The following ANKS1A variants were observed in gnomAD, a reference collection of about 807,000 sequenced individuals.
ANKS1A encodes ankyrin repeat and sterile alpha motif domain containing 1A.
ANKS1A carries 55 observed loss-of-function variants against 120.3 expected under a neutral mutation model. The ratio of observed to expected loss-of-function variants is 0.46; its 90% CI spans 0.37 to 0.57. The LOEUF (loss-of-function observed/expected upper bound fraction) is 0.57. Ranked by LOEUF, ANKS1A falls within the 20% of genes least tolerant of loss-of-function variation. ANKS1A has a pLI of 0.00. For missense variants in ANKS1A, 1,123 were observed against 1,480.3 expected (o/e 0.76, Z 3.96); for synonymous variants, 590 against 604.7 (o/e 0.98, Z 0.36).
intron 1 of ANKS1A, among the ~76,000 whole-genome samples, chr6:34,934,432 G>A (rs563538289): frequency 1.3e-5 from 2 of 152,344 alleles, no homozygotes; most frequent in South Asian, 2.1e-4. Context: ...ACAGGCGTGA[G>A]CCACCACGCC....
chr6:35,077,973 G>T (rs1325187582), intron 13 of ANKS1A, among the ~76,000 whole-genome samples: 1 of 152,170 alleles, frequency 6.6e-6, no homozygotes, highest in Non-Finnish European at 1.5e-5. Context: ...TCCACCCTCA[G>T]CTGCTCCGTT....
At chr6:34,936,213 T>C (rs1198815598) in intron 1 of ANKS1A, among the ~76,000 whole-genome samples, 1 of 152,112 alleles carries the variant, frequency 6.6e-6, no homozygotes, top group Non-Finnish European at 1.5e-5. Flanking sequence ...GAGTACACAT[T>C]ATGCCAACCA....
rs532539274 is a variant in ANKS1A at position 35,065,990 on chromosome 6, T to C, written c.2184+5737T>C. Among the ~76,000 whole-genome samples the C allele has an allele frequency of 3.9e-5, 6 of 152,228 alleles. No homozygotes were observed. The South Asian group carries it at 1.2e-3, about 32-fold the overall frequency. On this transcript the variant is annotated intron_variant, in intron 13 of 23. Coordinates refer to ENST00000360359, the MANE Select transcript of ANKS1A (RefSeq NM_015245.3). ...CTGGATGGGGGAAGCTCAGGAGAAC[T>C]CAAGAGTCTACTTAGTGGCAAAGGG...
intron 10 of ANKS1A, among the ~76,000 whole-genome samples, chr6:35,002,983 A>G (rs1425639200): frequency 1.4e-5 from 2 of 147,556 alleles, no homozygotes; most frequent in Non-Finnish European, 3.0e-5. Context: ...CCACTAGGCT[A>G]TACTAGATAT....
intron 1 of ANKS1A, among the ~76,000 whole-genome samples, chr6:34,912,444 C>T (rs1767950540): frequency 6.6e-6 from 1 of 152,200 alleles, no homozygotes; most frequent in Non-Finnish European, 1.5e-5. Context: ...TATCCAACCT[C>T]AACCTCAGTA....
intron 10 of ANKS1A, among the ~76,000 whole-genome samples, chr6:35,015,543 G>C (rs943675541): frequency 1.3e-5 from 2 of 152,062 alleles, no homozygotes; most frequent in African/African-American, 4.8e-5. Context: ...GCCAAAGTTG[G>C]TGCTTCTGTG....
chr6:34,904,411 C>A (rs1767530916), intron 1 of ANKS1A, among the ~76,000 whole-genome samples: 1 of 151,914 alleles, frequency 6.6e-6, no homozygotes, highest in Non-Finnish European at 1.5e-5. Flanking sequence ...AACCTAATAA[C>A]CACCAGGATT....
In ANKS1A at chr6:34,967,237, A is replaced by G. The variant is rs769004352; in HGVS notation, c.198-2A>G. The stretch of plus-strand genomic sequence containing the variant: ...TCTCTCTCTTTTTTTTTTCCCTGAT[A>G]GCATGTGGAGAGGGCCAAATGTGAA... On this transcript the variant is annotated splice_acceptor_variant, in intron 1 of 23. Transcript: ENST00000360359. LOFTEE classifies it high-confidence loss of function. 6.2e-7 allele frequency: 1 copy of G among 1,610,796 alleles called. No homozygotes were observed. The highest frequency in any genetic ancestry group is 1.1e-5 in the South Asian group (1 of 90,562).
chr6:34,938,696 CAA>C (rs61493059), intron 1 of ANKS1A, among the ~76,000 whole-genome samples: 23,602 of 152,084 alleles, frequency 0.16, 2,980 homozygotes, highest in African/African-American at 0.34. Context: ...TCTTATAAAA[CAA>C]GTATTTCTGG....
intron 1 of ANKS1A, among the ~76,000 whole-genome samples, chr6:34,956,816 G>C (rs528410347): frequency 3.9e-5 from 6 of 152,174 alleles, no homozygotes; most frequent in Admixed American, 1.3e-4. Flanking sequence ...GATCCAAGCT[G>C]GTTCTTACAG....
Position 35,090,322 on chromosome 6 carries a change from AC to A in ANKS1A, c.*1714del. The A allele has an allele frequency of 7.8e-7, 1 of 1,287,460 alleles. No individual in the cohort carries two copies. The highest frequency in any genetic ancestry group is 1.0e-6 in the Non-Finnish European group (1 of 987,326). The allele number at this position is 1,287,460 out of a possible 1,614,324, so 79.8% of individuals were successfully genotyped here. On this transcript the variant is annotated 3_prime_UTR_variant, in exon 24 of 24. Transcript: ENST00000360359. Reference sequence around the variant, plus strand: ...AGGAACCCTAAAGCATCCAGAGTAGACTGCGCTGCCACTGCGCACATGCTGG... The same window carrying A: ...AGGAACCCTAAAGCATCCAGAGTAGATGCGCTGCCACTGCGCACATGCTGG...
rs772838698 is a variant in ANKS1A, at chr6:35,090,232, T to C, written c.*1623T>C. On this transcript the variant is annotated 3_prime_UTR_variant, in exon 24 of 24. Transcript: ENST00000360359. ...TTCATTTCCTGCCCCTTTCAGGGCCTGTGAGGATGCCCATGAGCTACCGCT... is the reference window on the plus strand; with the variant it reads ...TTCATTTCCTGCCCCTTTCAGGGCCCGTGAGGATGCCCATGAGCTACCGCT... 12 of 1,289,516 alleles carry C rather than the reference T, an allele frequency of 9.3e-6. No homozygotes were observed. Among genetic ancestry groups the C allele is most frequent in the South Asian group, 1.2e-5 (1 of 81,034 alleles). The allele number at this position is 1,289,516 out of a possible 1,614,324, so 79.9% of individuals were successfully genotyped here.
intron 1 of ANKS1A, among the ~76,000 whole-genome samples, chr6:34,929,153 C>T (rs2127472018): frequency 6.6e-6 from 1 of 152,272 alleles, no homozygotes; most frequent in Middle Eastern, 3.4e-3. Flanking sequence ...TACTATAAAG[C>T]ACTTCGAATG....
chr6:34,991,541 T>TACACACACAC (rs149416311), intron 9 of ANKS1A, among the ~76,000 whole-genome samples: 17 of 138,484 alleles, frequency 1.2e-4, no homozygotes, highest in African/African-American at 4.2e-4. Context: ...AAAAAATATA[T>TACACACACAC]ACACACACAC....
chr6:35,063,751 T>C (rs1378201645), intron 13 of ANKS1A, among the ~76,000 whole-genome samples: 1 of 152,204 alleles, frequency 6.6e-6, no homozygotes, highest in Non-Finnish European at 1.5e-5. Context: ...GCAAATAACG[T>C]AGGTGTCTTA....
Position 34,982,012 on chromosome 6 carries a change from C to G in ANKS1A, c.732+26C>G, listed in dbSNP as rs775878019. On this transcript the variant is annotated intron_variant, in intron 4 of 23. Coordinates refer to ENST00000360359, the MANE Select transcript of ANKS1A (RefSeq NM_015245.3). The surrounding 1 kb of genome is among the most constrained non-coding windows in gnomAD (Gnocchi z 4.9). Reference sequence around the variant, plus strand: ...GTAGCAGGGCGGGTGGGGGCTCCTCCAATCTCAAGAGACTCAGTCATTTTG... The same window carrying G: ...GTAGCAGGGCGGGTGGGGGCTCCTCGAATCTCAAGAGACTCAGTCATTTTG... The G allele has an allele frequency of 4.3e-6, 7 of 1,609,740 alleles. No individual in the cohort carries two copies. Among genetic ancestry groups the G allele is most frequent in the Non-Finnish European group, 5.9e-6 (7 of 1,177,664 alleles).
In ANKS1A at chr6:34,935,018, G is replaced by C. The variant is rs181957348; in HGVS notation, c.198-32221G>C. 6.6e-5 allele frequency among the ~76,000 whole-genome samples: 10 copies of C among 152,314 alleles called. No individual in the cohort carries two copies. In the East Asian group the frequency reaches 1.9e-3, roughly 29 times the overall value. On this transcript the variant is annotated intron_variant, in intron 1 of 23. Transcript: ENST00000360359. ...TACTCTAATGTAAGAAAATCATTTT[G>C]AGTTTTGTCTGCTGGACATGCTTAG...
In ANKS1A at chr6:35,090,339, C is replaced by T. The variant is rs1472327762; in HGVS notation, c.*1730C>T. ...CAGAGTAGACTGCGCTGCCACTGCG[C>T]ACATGCTGGTGCCCGTCTTCCTCCT... On this transcript the variant is annotated 3_prime_UTR_variant, in exon 24 of 24. Coordinates refer to ENST00000360359, the MANE Select transcript of ANKS1A (RefSeq NM_015245.3). 1.7e-5 allele frequency: 22 copies of T among 1,276,792 alleles called. No individual in the cohort carries two copies. The highest frequency in any genetic ancestry group is 4.6e-5 in the African/African-American group (3 of 65,516). The allele number at this position is 1,276,792 out of a possible 1,614,324, so 79.1% of individuals were successfully genotyped here. A position where few individuals can be genotyped will look rare whatever the true frequency, so the allele number is the denominator to read the frequency against.
In ANKS1A at chr6:35,086,007, C is replaced by T. The variant is rs749296309; in HGVS notation, c.3303+71C>T. ...GGATTCAAGGGCTCAGGGTGGTCAG[C>T]GTGAGGAGGGTCTTCTGGCACTTCC... On this transcript the variant is annotated intron_variant, in intron 22 of 23. Transcript: ENST00000360359. This position sits in a 1 kb window ranked among gnomAD's most constrained non-coding sequence, Gnocchi z 5.1. The T allele has an allele frequency of 1.9e-5, 28 of 1,493,736 alleles. No homozygotes were observed. Among genetic ancestry groups the T allele is most frequent in the South Asian group, 6.7e-5 (5 of 74,298 alleles). The allele number at this position is 1,493,736 out of a possible 1,614,324, so 92.5% of individuals were successfully genotyped here.
Sources: allele counts gnomAD v4.1 joint callset (sites outside exome capture counted in the v4.1 genomes callset), GRCh38; gene constraint gnomAD v4.1.1; non-coding constraint Gnocchi (gnomAD v3.1); transcripts MANE v1.5; gene names NCBI Gene and HGNC (gene_info 2026-07-23, HGNC 2026-07-21).